The following EPS8L1 variants were observed in gnomAD, a reference collection of about 807,000 sequenced individuals.
The protein encoded by EPS8L1 is epidermal growth factor receptor kinase substrate 8-like protein 1.
A neutral mutation model predicts 91.7 loss-of-function variants in EPS8L1; 101 were observed. The ratio of observed to expected loss-of-function variants is 1.10; its 90% CI spans 0.94 to 1.30. EPS8L1 has a LOEUF of 1.30. Ranked by LOEUF, EPS8L1 falls within the 50% of genes most tolerant of loss-of-function variation. The pLI, the probability that EPS8L1 is intolerant of heterozygous loss-of-function variation, is 0.00. For missense variants in EPS8L1, 1,114 were observed against 1,017.0 expected (o/e 1.10, Z -1.30); for synonymous variants, 506 against 445.3 (o/e 1.14, Z -1.72).
Position 55,082,345 on chromosome 19 carries a change from A to C in EPS8L1, c.1061A>C (p.Gln354Pro), listed in dbSNP as rs770865983. 5.6e-6 allele frequency: 9 copies of C among 1,612,672 alleles called. No individual in the cohort carries two copies. The South Asian group carries it at 9.9e-5, about 18-fold the overall frequency. ...ELLHFLFGPLQMIVNTSGGPE... is the reference protein window; with the variant it reads ...ELLHFLFGPLPMIVNTSGGPE... ...TTGCACTTCCTTTTCGGGCCTCTGC[A>C]GATGGTGAGACCCGCCCCAGGCCCT... Residue 354 changes from glutamine to proline, a missense_variant, in exon 11 of 20, where the codon CAG (glutamine) becomes CCG (proline). Physicochemically the swap from Gln to Pro is moderately conservative, Grantham distance 76. Coordinates refer to ENST00000201647, the MANE Select transcript of EPS8L1 (RefSeq NM_133180.3).
Position 55,081,777 on chromosome 19 carries a change from TC to T in EPS8L1, c.781del (p.Leu261Ter). 6.2e-7 allele frequency: 1 copy of T among 1,610,500 alleles called. No homozygotes were observed. The highest frequency in any genetic ancestry group is 1.7e-5 in the Admixed American group (1 of 59,740). ...TCCCCCTCCTCTGTCCCCTAGGACA[TC>T]CTGAACCACGTGTTCGACGACGTAG... ...AVLQAEREVD[I>X]LNHVFDDVES... On this transcript the variant is annotated frameshift_variant, in exon 9 of 20. Coordinates refer to ENST00000201647, the MANE Select transcript of EPS8L1 (RefSeq NM_133180.3). LOFTEE classifies it high-confidence loss of function. This position sits in a 1 kb window ranked among gnomAD's most constrained non-coding sequence, Gnocchi z 4.9.
rs750103854 is a variant in EPS8L1 at position 55,087,394 on chromosome 19, C to T, written c.2044C>T (p.Arg682Cys). The part of the protein sequence containing the change: ...LRAVSPEEGA[R>C]VYSQVTVQRS... ...GGCGGTGAGCCCCGAGGAGGGGGCA[C>T]GTGTGTACAGCCAGGTCACCGTGCA... Residue 682 changes from arginine (R) to cysteine (C), a missense_variant, in exon 19 of 20, where the codon CGT (arginine) becomes TGT (cysteine). Physicochemically the swap from Arg to Cys is radical, Grantham distance 180. Coordinates refer to ENST00000201647, the MANE Select transcript of EPS8L1 (RefSeq NM_133180.3). 1.5e-5 allele frequency: 24 copies of T among 1,613,808 alleles called. No individual in the cohort carries two copies. The Admixed American group carries it at 1.7e-4, about 11-fold the overall frequency.
At position 55,087,360 on chromosome 19, in the gene EPS8L1, G is replaced by A. The variant is rs2076364094; in HGVS notation, c.2010G>A (p.Glu670=). Residue 670 remains glutamate, a synonymous_variant, in exon 19 of 20, where the codon GAG becomes GAA. Transcript: ENST00000201647. ...TGAQLFSLQK[E]ELRAVSPEEG... ...CGCAGCTTTTCTCGCTGCAGAAGGA[G>A]GAGCTGCGGGCGGTGAGCCCCGAGG... The A allele has an allele frequency of 1.9e-6, 3 of 1,612,854 alleles. No individual in the cohort carries two copies. The highest frequency in any genetic ancestry group is 1.1e-5 in the South Asian group (1 of 91,000).
chr19:55,087,162 G>C, intron 18 of EPS8L1, 141 bp from the exon 19 acceptor site: 1 of 1,288,968 alleles, frequency 7.8e-7, no homozygotes, highest in Non-Finnish European at 1.0e-6. Context: ...TTGGTGGGTG[G>C]GGTTCAGGAG....
intron 10 of EPS8L1, 28 bp from the exon 11 acceptor site, chr19:55,082,247 G>T (rs1182309503): frequency 1.2e-6 from 2 of 1,604,374 alleles, no homozygotes; most frequent in Middle Eastern, 1.7e-4. Context: ...CCGCACCCAC[G>T]CCAACCACCT....
At chr19:55,079,883 CTG>C in intron 5 of EPS8L1, 32 bp downstream of exon 5, 1 of 1,586,018 alleles carries the variant, frequency 6.3e-7, no homozygotes, top group Non-Finnish European at 8.6e-7. Flanking sequence ...GGAGGAGTGT[CTG>C]GGGCAGGGAC....
Position 55,086,184 on chromosome 19 carries a change from C to A in EPS8L1, c.1642C>A (p.Arg548Ser), listed in dbSNP as rs752217086. 3 of 1,596,398 alleles carry A rather than the reference C, an allele frequency of 1.9e-6. No homozygotes were observed. The highest frequency in any genetic ancestry group is 2.6e-6 in the Non-Finnish European group (3 of 1,170,854). The change falls in exon 16 of 20, where the codon CGC (arginine) becomes AGC (serine). Residue 548 changes from arginine to serine, a missense_variant. By Grantham distance (110) the Arg-to-Ser change is moderately radical. Coordinates refer to ENST00000201647, the MANE Select transcript of EPS8L1 (RefSeq NM_133180.3). ...GCTGCACCACAGCCAAAGCCCTGCC[C>A]GCAGCCTGGTGAGCCAGCGCAGACG... ...PRLHHSQSPA[R>S]SLNSTPPPPP...
Position 55,081,324 on chromosome 19 carries a change from C to A in EPS8L1, c.606C>A (p.Thr202=). The change falls in exon 8 of 20, where the codon ACC becomes ACA. Residue 202 remains threonine, a synonymous_variant. Transcript: ENST00000201647. This position sits in a 1 kb window ranked among gnomAD's most constrained non-coding sequence, Gnocchi z 4.9. ...CGTCAGTCCGCGCAGTGATCAGCAC[C>A]GTAGAGCGGGGCGCGGGCCGCGGAC... ...RRPSVRAVIS[T]VERGAGRGRP... is the part of the protein sequence containing the mutation. The A allele has an allele frequency of 6.4e-7, 1 of 1,556,736 alleles. No individual in the cohort carries two copies.
Position 55,083,585 on chromosome 19 carries a change from C to T in EPS8L1, c.1357-31C>T. 1 of 1,594,538 alleles carries T rather than the reference C, an allele frequency of 6.3e-7. No homozygotes were observed. The highest frequency in any genetic ancestry group is 1.1e-5 in the South Asian group (1 of 88,996). ...GGGGGCGCGGCCGGTCCGCCTGGCC[C>T]CGCCTGACCCGACTGTCTTACTTCC... On this transcript the variant is annotated intron_variant, in intron 13 of 19. Transcript: ENST00000201647. This position sits in a 1 kb window ranked among gnomAD's most constrained non-coding sequence, Gnocchi z 4.7.
At chr19:55,087,149 TG>T (rs1198527475) in intron 18 of EPS8L1, 153 bp from the exon 19 acceptor site, 1 of 1,233,960 alleles carries the variant, frequency 8.1e-7, no homozygotes, top group African/African-American at 1.5e-5. Flanking sequence ...GGCAACATTG[TG>T]ATTGGTGGGT....
chr19:55,078,097 T>C lies in EPS8L1; in HGVS notation c.27T>C (p.Ala9=), dbSNP rs1438842162. 2 of 1,613,708 alleles carry C rather than the reference T, an allele frequency of 1.2e-6. No individual in the cohort carries two copies. Among genetic ancestry groups the C allele is most frequent in the Non-Finnish European group, 1.7e-6 (2 of 1,179,910 alleles). Reference sequence around the variant, plus strand: ...CTCTTTTCTTCACCAGCCCAGAAGCTGCCCCAAAGCCAAGCGCCAAGTCTA... The same window carrying C: ...CTCTTTTCTTCACCAGCCCAGAAGCCGCCCCAAAGCCAAGCGCCAAGTCTA... MSTATGPE[A]APKPSAKSIY... The change falls in exon 3 of 20, where the codon GCT becomes GCC. Residue 9 remains alanine (A), a synonymous_variant. Transcript: ENST00000201647.
At chr19:55,086,636 C>CCCCCCCCCCCCCCCCCAAGG in intron 17 of EPS8L1, 78 bp from the exon 18 acceptor site, 1 of 956,958 alleles carries the variant, frequency 1.0e-6, no homozygotes, top group Non-Finnish European at 1.4e-6. Context: ...CGCTGGAGCG[C>CCCCCCCCCCCCCCCCCAAGG]CCCCCCGCCC....
In EPS8L1 at chr19:55,083,788, C is replaced by A; in HGVS notation, c.1385+144C>A. 1 of 191,748 alleles carries A rather than the reference C, an allele frequency of 5.2e-6. No homozygotes were observed. Among genetic ancestry groups the A allele is most frequent in the Non-Finnish European group, 9.7e-6 (1 of 103,382 alleles). 11.9% of individuals were successfully genotyped at this position (191,748 alleles called of 1,614,324 possible). A position where few individuals can be genotyped will look rare whatever the true frequency, so the allele number is the denominator to read the frequency against. On this transcript the variant is annotated intron_variant, in intron 14 of 19. Transcript: ENST00000201647. This position sits in a 1 kb window ranked among gnomAD's most constrained non-coding sequence, Gnocchi z 4.7. ...TCAGGTGGGTGAGATGGTGATGGGG[C>A]GGGCCGGGGCTGGGAGAGAGGGAGG...
intron 2 of EPS8L1, among the ~76,000 whole-genome samples, chr19:55,077,652 G>A (rs1407211982): frequency 7.5e-6 from 1 of 133,164 alleles, no homozygotes; most frequent in Admixed American, 9.1e-5. Flanking sequence ...GCAGTGGCAC[G>A]ATCTGGACTC....
Position 55,079,027 on chromosome 19 carries a change from T to TA in EPS8L1, c.88dup (p.Met30AsnfsTer3). ...AGAGGAAGCGTTACTCCACAGTTGT[T>TA]ATGGCTGATGTATCCCAGTACCCAG... is the stretch of plus-strand genomic sequence containing the variant. On this transcript the variant is annotated frameshift_variant, in exon 4 of 20. Transcript: ENST00000201647. LOFTEE classifies it high-confidence loss of function. The TA allele has an allele frequency of 6.2e-7, 1 of 1,614,012 alleles. No homozygotes were observed. The highest frequency in any genetic ancestry group is 1.1e-5 in the South Asian group (1 of 91,088).
At chr19:55,077,697 T>C (rs1250631707) in intron 2 of EPS8L1, among the ~76,000 whole-genome samples, 1 of 148,424 alleles carries the variant, frequency 6.7e-6, no homozygotes. Context: ...CAAGTGATTC[T>C]CCTGCCTCAG....
In EPS8L1 at chr19:55,086,096, G is replaced by A. The variant is rs374527833; in HGVS notation, c.1554G>A (p.Arg518=). The A allele has an allele frequency of 6.9e-6, 11 of 1,602,602 alleles. No individual in the cohort carries two copies. Among genetic ancestry groups the A allele is most frequent in the Non-Finnish European group, 9.4e-6 (11 of 1,172,994 alleles). Residue 518 remains arginine, a synonymous_variant, in exon 16 of 20, where the codon CGG becomes CGA. Transcript: ENST00000201647. Reference sequence around the variant, plus strand: ...ACAGTCGTAAGTGGTGGAAGGTTCGGGACCCAGCGGGGCAGGAGGGATATG... The same window carrying A: ...ACAGTCGTAAGTGGTGGAAGGTTCGAGACCCAGCGGGGCAGGAGGGATATG... The part of the protein sequence containing the change: ...LDDSRKWWKV[R]DPAGQEGYVP...
intron 17 of EPS8L1, 78 bp from the exon 18 acceptor site, chr19:55,086,636 C>CCCCCCCCCCCCCCCCCCGGG: frequency 4.4e-5 from 42 of 956,872 alleles, no homozygotes; most frequent in African/African-American, 5.7e-5. Context: ...CGCTGGAGCG[C>CCCCCCCCCCCCCCCCCCGGG]CCCCCCGCCC....
chr19:55,085,845 C>G lies in EPS8L1; in HGVS notation c.1390C>G (p.Arg464Gly). The G allele has an allele frequency of 6.2e-7, 1 of 1,612,346 alleles. No individual in the cohort carries two copies. Among genetic ancestry groups the G allele is most frequent in the Non-Finnish European group, 8.5e-7 (1 of 1,178,964 alleles). The change falls in exon 15 of 20, where the codon CGA (arginine) becomes GGA (glycine). Residue 464 changes from arginine (R) to glycine (G), a missense_variant. Physicochemically the swap from Arg to Gly is moderately radical, Grantham distance 125 (BLOSUM62 -2). Transcript: ENST00000201647. ...SAPQVAVNGH[R>G]DLEPESEPQL... The stretch of plus-strand genomic sequence containing the variant: ...AACCCTCCCGCTTCTCCTCAGTCAC[C>G]GAGACTTGGAGCCAGAATCTGAGCC...
Sources: gnomAD v4.1 joint callset for allele counts (sites outside exome capture counted in the v4.1 genomes callset) on GRCh38, gnomAD v4.1.1 for gene constraint, Gnocchi (gnomAD v3.1) non-coding constraint, MANE v1.5 for transcripts, NCBI Gene and HGNC (gene_info 2026-07-23, HGNC 2026-07-21) for gene names.